KIAA1958: variants seen among roughly 807,000 people sequenced by gnomAD.
The protein encoded by KIAA1958 is uncharacterized protein KIAA1958.
Under a neutral mutation model 47.2 loss-of-function variants are expected in KIAA1958, and 14 were observed. The observed-to-expected ratio is 0.30, with a 90% CI of 0.20 to 0.46. The LOEUF is 0.46. KIAA1958 is among the 20% of genes least tolerant of loss of function. KIAA1958 has a pLI of 1.00. For missense variants in KIAA1958, 803 were observed against 909.2 expected (o/e 0.88, Z 1.50); for synonymous variants, 354 against 353.3 (o/e 1.00, Z -0.02).
chr9:112,539,559 G>T (rs1223406763), intron 1 of KIAA1958, among the ~76,000 whole-genome samples: 1 of 152,108 alleles, frequency 6.6e-6, no homozygotes, highest in East Asian at 1.9e-4. Context: ...ATGCTAATGG[G>T]CAGGAGGTTT....
In KIAA1958 at chr9:112,618,878, G is replaced by T; in HGVS notation, c.1172-26772G>T. The T allele has an allele frequency of 1.3e-6, 2 of 1,548,212 alleles. No homozygotes were observed. The highest frequency in any genetic ancestry group is 1.7e-6 in the Non-Finnish European group (2 of 1,145,072). ...CCACTCCAACAATGGCAATTTCATC[G>T]TCTCCGCCTCCTATGACTCTTCCTC... On this transcript the variant is annotated intron_variant, in intron 2 of 3. Transcript: ENST00000337530. This position sits in a 1 kb window ranked among gnomAD's most constrained non-coding sequence, Gnocchi z 7.1.
chr9:112,513,687 G>A (rs1332399956), intron 1 of KIAA1958, among the ~76,000 whole-genome samples: 82 of 70,174 alleles, frequency 1.2e-3, no homozygotes, highest in African/African-American at 4.6e-3. Context: ...CCGCCGCGCC[G>A]GCGAGCGCCG....
Position 112,618,934 on chromosome 9 carries a change from G to A in KIAA1958, c.1172-26716G>A. 7 of 1,505,390 alleles carry A rather than the reference G, an allele frequency of 4.6e-6. No homozygotes were observed. Among genetic ancestry groups the A allele is most frequent in the Non-Finnish European group, 6.3e-6 (7 of 1,117,324 alleles). 93.3% of individuals were successfully genotyped at this position (1,505,390 alleles called of 1,614,324 possible). A position where few individuals can be genotyped will look rare whatever the true frequency, so the allele number is the denominator to read the frequency against. On this transcript the variant is annotated intron_variant, in intron 2 of 3. Transcript: ENST00000337530. This position sits in a 1 kb window ranked among gnomAD's most constrained non-coding sequence, Gnocchi z 7.1. ...CCGCTTGACCAGGTGGCTTGAGCAAGACTCCAGTTTGGTTACTGTGTCCGG... is the reference window on the plus strand; with the variant it reads ...CCGCTTGACCAGGTGGCTTGAGCAAAACTCCAGTTTGGTTACTGTGTCCGG...
chr9:112,567,480 A>T (rs943548815), intron 1 of KIAA1958, among the ~76,000 whole-genome samples: 2 of 152,204 alleles, frequency 1.3e-5, no homozygotes, highest in Non-Finnish European at 2.9e-5. Flanking sequence ...AGAAAGGGAA[A>T]GAACTAAGGG....
At chr9:112,546,892 C>T (rs1835044421) in intron 1 of KIAA1958, among the ~76,000 whole-genome samples, 1 of 152,020 alleles carries the variant, frequency 6.6e-6, no homozygotes, top group South Asian at 2.1e-4. Context: ...CTCTGTGCTC[C>T]TTGACACCCT....
At chr9:112,495,876 A>G (rs376795050) in intron 1 of KIAA1958, among the ~76,000 whole-genome samples, 17 of 152,320 alleles carry the variant, frequency 1.1e-4, no homozygotes, top group African/African-American at 4.1e-4. Context: ...AAGCGCTTAC[A>G]TACTCTGGGG....
At chr9:112,637,404 T>C (rs1836821796) in intron 2 of KIAA1958, among the ~76,000 whole-genome samples, 2 of 152,116 alleles carry the variant, frequency 1.3e-5, no homozygotes, top group Admixed American at 1.3e-4. Flanking sequence ...TTTTTTTAGA[T>C]GGAGTTTCGC....
At chr9:112,648,534 A>G (rs1274562927) in intron 3 of KIAA1958, among the ~76,000 whole-genome samples, 1 of 152,232 alleles carries the variant, frequency 6.6e-6, no homozygotes, top group Non-Finnish European at 1.5e-5. Flanking sequence ...GCACTCACAC[A>G]GAATTGGAAA....
chr9:112,592,888 T>C (rs928879016), intron 2 of KIAA1958, among the ~76,000 whole-genome samples: 1 of 152,202 alleles, frequency 6.6e-6, no homozygotes, highest in Admixed American at 6.5e-5. Context: ...CTATATGTAC[T>C]GAATGGGCTT....
intron 2 of KIAA1958, among the ~76,000 whole-genome samples, chr9:112,643,024 ATAAT>A (rs1270517093): frequency 5.3e-5 from 8 of 152,208 alleles, no homozygotes; most frequent in South Asian, 2.1e-4. Flanking sequence ...GTTTAATGTG[ATAAT>A]TAATCATGTT....
At chr9:112,602,667 G>A (rs996900237) in intron 2 of KIAA1958, among the ~76,000 whole-genome samples, 4 of 152,022 alleles carry the variant, frequency 2.6e-5, no homozygotes, top group Non-Finnish European at 4.4e-5. Context: ...TTGTGTGATG[G>A]CCAACGGGTC....
At chr9:112,648,616 A>G (rs188495524) in intron 3 of KIAA1958, among the ~76,000 whole-genome samples, 1 of 152,326 alleles carries the variant, frequency 6.6e-6, no homozygotes, top group Non-Finnish European at 1.5e-5. Flanking sequence ...GACTTGCATC[A>G]GGTATGGGGA....
intron 2 of KIAA1958, among the ~76,000 whole-genome samples, chr9:112,621,998 T>C (rs1478370068): frequency 6.6e-6 from 1 of 152,198 alleles, no homozygotes; most frequent in Non-Finnish European, 1.5e-5. Context: ...TGCCTTGGCC[T>C]CCCAAAGTGC....
In KIAA1958 at chr9:112,660,103, CT is replaced by C; in HGVS notation, c.*35del. 2 of 1,581,176 alleles carry C rather than the reference CT, an allele frequency of 1.3e-6. No individual in the cohort carries two copies. Among genetic ancestry groups the C allele is most frequent in the Non-Finnish European group, 1.7e-6 (2 of 1,159,150 alleles). On this transcript the variant is annotated 3_prime_UTR_variant, in exon 4 of 4. Coordinates refer to ENST00000337530, the MANE Select transcript of KIAA1958 (RefSeq NM_133465.4). ...TGGGGCCCGGCCACTGCCCTGTCAC[CT>C]GCTCGGGCCAGCCAGGGTTGGAGCA...
chr9:112,498,997 A>G (rs1441311292), intron 1 of KIAA1958, among the ~76,000 whole-genome samples: 1 of 152,008 alleles, frequency 6.6e-6, no homozygotes, highest in Non-Finnish European at 1.5e-5. Context: ...TGTGGCATTT[A>G]TTTTTCTGTG....
Position 112,533,436 on chromosome 9 carries a change from G to A in KIAA1958, c.-24-40621G>A, listed in dbSNP as rs901088272. 2.7e-5 allele frequency among the ~76,000 whole-genome samples: 3 copies of A among 110,148 alleles called. No homozygotes were observed. The East Asian group carries it at 7.6e-4, about 28-fold the overall frequency. The allele number at this position is 110,148 out of a possible 152,430, so 72.3% of individuals were successfully genotyped here. A position where few individuals can be genotyped will look rare whatever the true frequency, so the allele number is the denominator to read the frequency against. On this transcript the variant is annotated intron_variant, in intron 1 of 3. Transcript: ENST00000337530. ...TAAAAATACAAAGAAAAAAAAAATA[G>A]CCAGGCGTGGTGGTGGGTGCTGTAG...
chr9:112,552,788 C>A (rs867951368), intron 1 of KIAA1958, among the ~76,000 whole-genome samples: 11 of 152,256 alleles, frequency 7.2e-5, no homozygotes, highest in Admixed American at 6.5e-5. Context: ...CATTCATGAT[C>A]ATCTTCAACA....
intron 1 of KIAA1958, among the ~76,000 whole-genome samples, chr9:112,564,163 T>C (rs768124748): frequency 2.6e-5 from 4 of 152,232 alleles, no homozygotes; most frequent in Non-Finnish European, 5.9e-5. Flanking sequence ...TTGAAGGAAG[T>C]GCTTTCTCTT....
chr9:112,523,634 C>G (rs2132799510), intron 1 of KIAA1958, among the ~76,000 whole-genome samples: 1 of 152,272 alleles, frequency 6.6e-6, no homozygotes, highest in Non-Finnish European at 1.5e-5. Flanking sequence ...TGCTTTTACT[C>G]TTTGACTTCA....
Sources: allele counts gnomAD v4.1 joint callset (sites outside exome capture counted in the v4.1 genomes callset), GRCh38; gene constraint gnomAD v4.1.1; non-coding constraint Gnocchi (gnomAD v3.1); transcripts MANE v1.5; gene names NCBI Gene and HGNC (gene_info 2026-07-23, HGNC 2026-07-21).